CACNA1A: variants seen among roughly 807,000 people sequenced by gnomAD.
CACNA1A encodes the protein calcium voltage-gated channel subunit alpha1 A.
In CACNA1A, 57 loss-of-function variants were observed where a neutral mutation model predicts 262.4. The observed-to-expected ratio is 0.22, with a 90% CI of 0.18 to 0.27. The LOEUF (loss-of-function observed/expected upper bound fraction) is 0.27. CACNA1A is among the 10% of genes least tolerant of loss of function. The pLI is 1.00. For synonymous variants in CACNA1A, 1,431 were observed against 1,419.3 expected, an observed-to-expected ratio of 1.01 and a Z score of -0.18; for missense variants, 2,526 against 3,562.8, an observed-to-expected ratio of 0.71 and a Z score of 7.41.
At chr19:13,354,877 T>TTTC (rs1568565135) in intron 6 of CACNA1A, among the ~76,000 whole-genome samples, 138 of 85,100 alleles carry the variant, frequency 1.6e-3, no homozygotes, top group African/African-American at 5.5e-3. Flanking sequence ...TTCTTTTTTT[T>TTTC]TTTTTTTTTT....
chr19:13,343,924 A>G (rs1356206934), intron 6 of CACNA1A, among the ~76,000 whole-genome samples: 1 of 152,168 alleles, frequency 6.6e-6, no homozygotes, highest in East Asian at 1.9e-4. Flanking sequence ...ATCACAAAAA[A>G]CAGAGGCCAG....
chr19:13,255,724 T>TCCTTCC (rs1568466339), intron 28 of CACNA1A, among the ~76,000 whole-genome samples: 34 of 24,838 alleles, frequency 1.4e-3, no homozygotes, highest in African/African-American at 4.7e-3. Context: ...TCCCTCCTTC[T>TCCTTCC]CTCCCTCCCT....
intron 19 of CACNA1A, among the ~76,000 whole-genome samples, chr19:13,296,323 A>C (rs1220952878): frequency 6.6e-6 from 1 of 152,238 alleles, no homozygotes; most frequent in African/African-American, 2.4e-5. Context: ...CCATCATTAA[A>C]AAAATCAATA....
rs745900417 is a variant in CACNA1A at position 13,230,157 on chromosome 19, C to T, written c.5453G>A (p.Arg1818Gln). The T allele has an allele frequency of 7.4e-6, 12 of 1,613,644 alleles. No individual in the cohort carries two copies. The highest frequency in any genetic ancestry group is 5.3e-5 in the African/African-American group (4 of 74,838). Residue 1818 changes from arginine to glutamine, a missense_variant, in exon 36 of 47, where the codon CGA becomes CAA. This residue lies in a region of CACNA1A where 39 missense variants were observed against 124.9 expected (regional missense o/e 0.31). Transcript: ENST00000360228. ...VIMDNFEYLTRDSSILGPHHL... is the reference protein window; with the variant it reads ...VIMDNFEYLTQDSSILGPHHL... The stretch of plus-strand genomic sequence containing the variant: ...GTGGGGGCCCAGGATGGAGGAGTCT[C>T]GGGTGAGGTACTCAAAGTTGTCCAT...
At chr19:13,491,045 T>C (rs958811649) in intron 1 of CACNA1A, among the ~76,000 whole-genome samples, 1 of 152,180 alleles carries the variant, frequency 6.6e-6, no homozygotes, top group Non-Finnish European at 1.5e-5. Context: ...TAGTCCTAGT[T>C]GAGCTCAGAC....
In CACNA1A at chr19:13,393,665, TTCTTTCTTTC is replaced by T. The variant is rs2059752997; in HGVS notation, c.540-21896_540-21887del. On this transcript the variant is annotated intron_variant, in intron 3 of 46. Coordinates refer to ENST00000360228, the MANE Select transcript of CACNA1A (RefSeq NM_001127222.2). Reference sequence around the variant, plus strand: ...CTCTTTCTTTCTCTGTCTTCCTCTTTTCTTTCTTTCTCTTTCTTTCCTTTTCTTTCTTTAC... The same window carrying T: ...CTCTTTCTTTCTCTGTCTTCCTCTTTTCTTTCTTTCCTTTTCTTTCTTTAC... Among the ~76,000 whole-genome samples, 3 of 149,788 alleles carry T rather than the reference TTCTTTCTTTC, an allele frequency of 2.0e-5. No homozygotes were observed. In the Admixed American group the frequency reaches 2.0e-4, roughly 10 times the overall value.
chr19:13,409,081 G>A (rs1053700411), intron 3 of CACNA1A, among the ~76,000 whole-genome samples: 2 of 152,138 alleles, frequency 1.3e-5, no homozygotes, highest in Non-Finnish European at 1.5e-5. Flanking sequence ...TCTCATTCAC[G>A]CCATCTCCAG....
chr19:13,419,351 G>A (rs2060278295), intron 3 of CACNA1A, among the ~76,000 whole-genome samples: 1 of 152,188 alleles, frequency 6.6e-6, no homozygotes, highest in South Asian at 2.1e-4. Flanking sequence ...TCCACACAAT[G>A]ACAAAATCGC....
At chr19:13,300,141 G>A (rs2144962375) in intron 18 of CACNA1A, among the ~76,000 whole-genome samples, 1 of 152,266 alleles carries the variant, frequency 6.6e-6, no homozygotes, top group Admixed American at 6.5e-5. Flanking sequence ...CCTATTCTAG[G>A]TGATGCCTTC....
chr19:13,228,841 G>A (rs746925660), intron 36 of CACNA1A: 1 of 1,081,884 alleles, frequency 9.2e-7, no homozygotes, highest in South Asian at 1.4e-5. Context: ...GGGTTCACAC[G>A]GGCTCCCTGG....
intron 36 of CACNA1A, 102 bp downstream of exon 36, chr19:13,229,980 C>G: frequency 7.4e-7 from 1 of 1,352,028 alleles, no homozygotes; most frequent in Non-Finnish European, 1.0e-6. Flanking sequence ...TGCTAGGACC[C>G]CAGGAGTTCA....
At chr19:13,279,406 G>C (rs1443954172) in intron 22 of CACNA1A, among the ~76,000 whole-genome samples, 1 of 152,060 alleles carries the variant, frequency 6.6e-6, no homozygotes, top group East Asian at 1.9e-4. Flanking sequence ...TGAAACAGTC[G>C]ACAGTACCAA....
At chr19:13,305,772 C>T (rs1173081034) in intron 15 of CACNA1A, among the ~76,000 whole-genome samples, 1 of 152,054 alleles carries the variant, frequency 6.6e-6, no homozygotes, top group African/African-American at 2.4e-5. Context: ...TATTAATAAT[C>T]GCTTATGGGC....
At position 13,308,301 on chromosome 19, in the gene CACNA1A, C is replaced by T; in HGVS notation, c.1782-50G>A. 6.3e-7 allele frequency: 1 copy of T among 1,587,634 alleles called. No individual in the cohort carries two copies. The highest frequency in any genetic ancestry group is 8.6e-7 in the Non-Finnish European group (1 of 1,164,798). On this transcript the variant is annotated intron_variant, in intron 13 of 46. Transcript: ENST00000360228. The surrounding 1 kb of genome is among the most constrained non-coding windows in gnomAD (Gnocchi z 4.2). Reference sequence around the variant, plus strand: ...CTCAGGCCAGGCGGGGGAGGCAGGGCCCCGGAGTCAGCCCTCGAAACACGA... The same window carrying T: ...CTCAGGCCAGGCGGGGGAGGCAGGGTCCCGGAGTCAGCCCTCGAAACACGA...
At chr19:13,383,695 GC>G (rs1399589240) in intron 3 of CACNA1A, among the ~76,000 whole-genome samples, 1 of 152,142 alleles carries the variant, frequency 6.6e-6, no homozygotes, top group Non-Finnish European at 1.5e-5. Context: ...TGCCTAGCTG[GC>G]CTCTTCGAAT....
intron 3 of CACNA1A, among the ~76,000 whole-genome samples, chr19:13,383,528 G>A (rs1568593100): frequency 6.6e-6 from 1 of 152,166 alleles, no homozygotes; most frequent in African/African-American, 2.4e-5. Context: ...ATGACCTTGC[G>A]TGATGTGACT....
rs779808138 is a variant in CACNA1A at position 13,212,309 on chromosome 19, G to C, written c.6189+75C>G. ...GGGAGGGAGCTGCAGGTGTGTGTGT[G>C]TGGGGGGCCCAGATCCCTTCCACCT... On this transcript the variant is annotated intron_variant, in intron 42 of 46. Transcript: ENST00000360228. This position sits in a 1 kb window ranked among gnomAD's most constrained non-coding sequence, Gnocchi z 5.6. 42 of 1,569,608 alleles carry C rather than the reference G, an allele frequency of 2.7e-5. No homozygotes were observed. The highest frequency in any genetic ancestry group is 2.7e-5 in the Non-Finnish European group (31 of 1,143,348).
At chr19:13,309,963 A>C (rs1278108751) in intron 12 of CACNA1A, among the ~76,000 whole-genome samples, 1 of 152,150 alleles carries the variant, frequency 6.6e-6, no homozygotes, top group South Asian at 2.1e-4. Context: ...TGTCCCCATG[A>C]GCAGTTACTC....
At chr19:13,222,414 CAGA>C (rs2055266612) in intron 38 of CACNA1A, among the ~76,000 whole-genome samples, 4 of 61,824 alleles carry the variant, frequency 6.5e-5, no homozygotes, top group African/African-American at 2.7e-4. Context: ...TTTTTTTTTT[CAGA>C]TGAAGTCTCA....
Sources: allele counts gnomAD v4.1 joint callset (sites outside exome capture counted in the v4.1 genomes callset), GRCh38; gene constraint gnomAD v4.1.1; regional missense constraint gnomAD v4.1.1; non-coding constraint Gnocchi (gnomAD v3.1); transcripts MANE v1.5; gene names NCBI Gene and HGNC (gene_info 2026-07-23, HGNC 2026-07-21).